Variants in PSMB9 observed in about 807,000 individuals in gnomAD.
PSMB9 encodes the protein proteasome 20S subunit beta 9.
Under a neutral mutation model 26.9 loss-of-function variants are expected in PSMB9, and 16 were observed. The observed-to-expected ratio is 0.59, with a 90% CI of 0.40 to 0.90. PSMB9 has a LOEUF of 0.90. PSMB9 is among the 40% of genes least tolerant of loss of function. The probability of loss-of-function intolerance (pLI) is 0.00; values close to 1 mark genes in which losing one functional copy is unlikely to be tolerated. For missense variants in PSMB9, 253 were observed against 292.2 expected (o/e 0.87, Z 0.98); for synonymous variants, 91 against 112.0 (o/e 0.81, Z 1.18).
chr6:32,855,884 G>A (rs1771138906), intron 1 of PSMB9, among the ~76,000 whole-genome samples: 1 of 152,168 alleles, frequency 6.6e-6, no homozygotes, highest in Admixed American at 6.5e-5. Context: ...CACTAGGCAA[G>A]TTGGAACTTA....
Position 32,859,610 on chromosome 6 carries a change from G to A in PSMB9, c.*78G>A, listed in dbSNP as rs1771363532. 1 of 1,528,412 alleles carries A rather than the reference G, an allele frequency of 6.5e-7. No individual in the cohort carries two copies. Among genetic ancestry groups the A allele is most frequent in the East Asian group, 2.3e-5 (1 of 43,588 alleles). 94.7% of individuals were successfully genotyped at this position (1,528,412 alleles called of 1,614,324 possible). A position where few individuals can be genotyped will look rare whatever the true frequency, so the allele number is the denominator to read the frequency against. On this transcript the variant is annotated 3_prime_UTR_variant, in exon 6 of 6. Transcript: ENST00000374859. Reference sequence around the variant, plus strand: ...ACCTGGTATGGTCATTGGGAAATGAGTGCTCAGGGAGATGGAGCTTAGGGG... The same window carrying A: ...ACCTGGTATGGTCATTGGGAAATGAATGCTCAGGGAGATGGAGCTTAGGGG...
At chr6:32,857,838 C>T in intron 3 of PSMB9, 167 bp from the exon 4 acceptor site, 1 of 726,412 alleles carries the variant, frequency 1.4e-6, no homozygotes, top group South Asian at 1.9e-5. Context: ...AGCTTCTTAC[C>T]AGTTGGTGGT....
intron 2 of PSMB9, 48 bp from the exon 3 acceptor site, chr6:32,857,215 A>AGC: frequency 6.6e-7 from 1 of 1,515,860 alleles, no homozygotes; most frequent in Non-Finnish European, 8.8e-7. Flanking sequence ...AAAAAAAAAA[A>AGC]AAAAAACCTG....
intron 2 of PSMB9, chr6:32,856,492 C>T (rs1771167599): frequency 8.2e-6 from 3 of 367,890 alleles, no homozygotes; most frequent in Admixed American, 8.5e-5. Flanking sequence ...TGAGGGTCTT[C>T]TTTCCATCTG....
chr6:32,854,431 C>A lies in PSMB9; in HGVS notation c.60+142C>A. On this transcript the variant is annotated intron_variant, in intron 1 of 5. Coordinates refer to ENST00000374859, the MANE Select transcript of PSMB9 (RefSeq NM_002800.5). This position sits in a 1 kb window ranked among gnomAD's most constrained non-coding sequence, Gnocchi z 4.6. ...GCCTGTAGCAGCCAGCGCTTGCAAC[C>A]CGCAATGAGCATAGAGTATTTCTTT... 1 of 713,274 alleles carries A rather than the reference C, an allele frequency of 1.4e-6. No individual in the cohort carries two copies. Among genetic ancestry groups the A allele is most frequent in the Non-Finnish European group, 2.2e-6 (1 of 445,300 alleles). 44.2% of individuals were successfully genotyped at this position (713,274 alleles called of 1,614,324 possible).
intron 2 of PSMB9, chr6:32,856,876 T>C (rs1771182571): frequency 6.2e-6 from 1 of 160,490 alleles, no homozygotes; most frequent in African/African-American, 2.4e-5. Context: ...TCAAAGAAAT[T>C]TGAGAGACAT....
chr6:32,857,482 G>A, intron 3 of PSMB9, 88 bp downstream of exon 3: 1 of 1,407,258 alleles, frequency 7.1e-7, no homozygotes, highest in Non-Finnish European at 9.3e-7. Flanking sequence ...TCCAGGAGCT[G>A]GACACTGGGA....
chr6:32,854,516 A>C lies in PSMB9; in HGVS notation c.60+227A>C, dbSNP rs892265056. Among the ~76,000 whole-genome samples the C allele has an allele frequency of 6.6e-6, 1 of 151,932 alleles. No homozygotes were observed. Among genetic ancestry groups the C allele is most frequent in the Admixed American group, 6.6e-5 (1 of 15,266 alleles). ...AACAGGCACGCGAGGCTGGTGGAAA[A>C]AGCGGGTGCTTTGACTCTTAGCTGG... On this transcript the variant is annotated intron_variant, in intron 1 of 5. Coordinates refer to ENST00000374859, the MANE Select transcript of PSMB9 (RefSeq NM_002800.5). This position sits in a 1 kb window ranked among gnomAD's most constrained non-coding sequence, Gnocchi z 4.6.
chr6:32,859,305 GT>G, intron 5 of PSMB9, 99 bp from the exon 6 acceptor site: 3 of 1,368,456 alleles, frequency 2.2e-6, no homozygotes, highest in Non-Finnish European at 2.9e-6. Flanking sequence ...GAGTTTTGAG[GT>G]GAAAGTGGTA....
Position 32,858,891 on chromosome 6 carries a change from TAA to T in PSMB9, c.532+396_532+397del, listed in dbSNP as rs11335808. 195 of 275,918 alleles carry T rather than the reference TAA, an allele frequency of 7.1e-4. No individual in the cohort carries two copies. The highest frequency in any genetic ancestry group is 2.6e-3 in the Middle Eastern group (2 of 762). 17.1% of individuals were successfully genotyped at this position (275,918 alleles called of 1,614,324 possible). ...CTCCACAAAAAACAATAAAAAAAAG[TAA>T]AAAAAAAAATGAACTGGGCATAGTG... On this transcript the variant is annotated intron_variant, in intron 5 of 5. Transcript: ENST00000374859. The surrounding 1 kb of genome is among the most constrained non-coding windows in gnomAD (Gnocchi z 5.2).
rs748007535 is a variant in PSMB9 at position 32,856,125 on chromosome 6, T to G, written c.61-13T>G. 7.4e-6 allele frequency: 12 copies of G among 1,611,172 alleles called. No homozygotes were observed. The South Asian group carries it at 1.2e-4, about 16-fold the overall frequency. On this transcript the variant is annotated splice_polypyrimidine_tract_variant and intron_variant, in intron 1 of 5. Transcript: ENST00000374859. ...GTTCTTGCCCTGACATTCCATATTC[T>G]GTGTCTCTGCAGACCACCATCATGG...
rs2071477 is a variant in PSMB9, at chr6:32,857,571, T to C, written c.260+177T>C. On this transcript the variant is annotated intron_variant, in intron 3 of 5. Transcript: ENST00000374859. The stretch of plus-strand genomic sequence containing the variant: ...CATCTGTAAAGTGGAGATAATATAG[T>C]ACCTCATGAGACGGTTATTTTGAGA... 297,210 of 716,578 alleles carry C rather than the reference T, an allele frequency of 0.41. 62,727 individuals are homozygous for C. Among genetic ancestry groups the C allele is most frequent in the Middle Eastern group, 0.51 (1,263 of 2,472 alleles). 44.4% of individuals were successfully genotyped at this position (716,578 alleles called of 1,614,324 possible).
rs771196403 is a variant in PSMB9, at chr6:32,858,242, G to A, written c.390+108G>A. 9 of 1,593,416 alleles carry A rather than the reference G, an allele frequency of 5.6e-6. No homozygotes were observed. The Admixed American group carries it at 1.5e-4, about 27-fold the overall frequency. ...AATGAGTTCCAAGGACACTACCTCT[G>A]AAAGCATAGTACTTTGGGGATATGA... is the stretch of plus-strand genomic sequence containing the variant. On this transcript the variant is annotated intron_variant, in intron 4 of 5. Transcript: ENST00000374859. This position sits in a 1 kb window ranked among gnomAD's most constrained non-coding sequence, Gnocchi z 5.2.
Position 32,858,306 on chromosome 6 carries a change from A to G in PSMB9, c.391-58A>G, listed in dbSNP as rs1386913886. The G allele has an allele frequency of 6.2e-7, 1 of 1,608,196 alleles. No individual in the cohort carries two copies. Among genetic ancestry groups the G allele is most frequent in the Non-Finnish European group, 8.5e-7 (1 of 1,176,126 alleles). On this transcript the variant is annotated intron_variant, in intron 4 of 5. Transcript: ENST00000374859. This position sits in a 1 kb window ranked among gnomAD's most constrained non-coding sequence, Gnocchi z 5.2. ...CATTGCAGGGTGCAGAGACCACTTAATGTCTCAGTGGGAAGGAAGGGCTTG... is the reference window on the plus strand; with the variant it reads ...CATTGCAGGGTGCAGAGACCACTTAGTGTCTCAGTGGGAAGGAAGGGCTTG...
Position 32,858,400 on chromosome 6 carries a change from C to T in PSMB9, c.427C>T (p.Pro143Ser). The change falls in exon 5 of 6, where the codon CCT (proline) becomes TCT (serine). Residue 143 changes from proline (P) to serine (S), a missense_variant. By Grantham distance (74) the Pro-to-Ser change is moderately conservative (BLOSUM62 -1). Coordinates refer to ENST00000374859, the MANE Select transcript of PSMB9 (RefSeq NM_002800.5). This position sits in a 1 kb window ranked among gnomAD's most constrained non-coding sequence, Gnocchi z 5.2. Reference sequence around the variant, plus strand: ...CCTGGGAGGAATGCTGACTCGACAGCCTTTTGCCATTGGTGGCTCCGGCAG... The same window carrying T: ...CCTGGGAGGAATGCTGACTCGACAGTCTTTTGCCATTGGTGGCTCCGGCAG... Reference protein sequence around the residue: ...GTLGGMLTRQPFAIGGSGSTF... With the variant: ...GTLGGMLTRQSFAIGGSGSTF... 6.2e-7 allele frequency: 1 copy of T among 1,612,952 alleles called. No individual in the cohort carries two copies. The highest frequency in any genetic ancestry group is 8.5e-7 in the Non-Finnish European group (1 of 1,180,004).
chr6:32,856,460 A>AG, intron 2 of PSMB9: 1 of 418,106 alleles, frequency 2.4e-6, no homozygotes, highest in Non-Finnish European at 4.3e-6. Flanking sequence ...AGGGTCTGAG[A>AG]GGGGGACAGG....
At chr6:32,857,674 T>C (rs892938463) in intron 3 of PSMB9, 23 of 531,068 alleles carry the variant, frequency 4.3e-5, no homozygotes, top group Non-Finnish European at 4.0e-5. Context: ...GAAGGTGATA[T>C]TGTGACCCAC....
intron 2 of PSMB9, 85 bp downstream of exon 2, chr6:32,856,290 G>C (rs55821731): frequency 0.02 from 27,812 of 1,374,398 alleles, 342 homozygotes; most frequent in Non-Finnish European, 0.021. Context: ...TGAAAAGACT[G>C]GCAAACTGGA....
chr6:32,858,000 C>T lies in PSMB9; in HGVS notation c.261-5C>T, dbSNP rs1041197867. 1.9e-6 allele frequency: 3 copies of T among 1,613,048 alleles called. No homozygotes were observed. Among genetic ancestry groups the T allele is most frequent in the Non-Finnish European group, 1.7e-6 (2 of 1,179,998 alleles). Reference sequence around the variant, plus strand: ...ATCAACCTTTATTCCTAATATTTCCCTCAGGATAGAACTGGAGGAACCTCC... The same window carrying T: ...ATCAACCTTTATTCCTAATATTTCCTTCAGGATAGAACTGGAGGAACCTCC... On this transcript the variant is annotated splice_region_variant and splice_polypyrimidine_tract_variant and intron_variant, in intron 3 of 5. Coordinates refer to ENST00000374859, the MANE Select transcript of PSMB9 (RefSeq NM_002800.5).
Sources: gnomAD v4.1 joint callset for allele counts (sites outside exome capture counted in the v4.1 genomes callset) on GRCh38, gnomAD v4.1.1 for gene constraint, Gnocchi (gnomAD v3.1) non-coding constraint, MANE v1.5 for transcripts, NCBI Gene and HGNC (gene_info 2026-07-23, HGNC 2026-07-21) for gene names.